The following TMEM178B variants were observed in gnomAD, a reference collection of about 807,000 sequenced individuals.
TMEM178B encodes transmembrane protein 178B.
TMEM178B carries 5 observed loss-of-function variants against 31.0 expected under a neutral mutation model. The ratio of observed to expected loss-of-function variants is 0.16; its 90% CI spans 0.08 to 0.34. The LOEUF (loss-of-function observed/expected upper bound fraction) is 0.34. Ranked by LOEUF, TMEM178B falls within the 10% of genes least tolerant of loss-of-function variation. TMEM178B has a pLI of 1.00. For missense variants in TMEM178B, 275 were observed against 400.3 expected (o/e 0.69, Z 2.67); for synonymous variants, 164 against 164.0 (o/e 1.00, Z 0.00).
chr7:141,269,892 C>T lies in TMEM178B; in HGVS notation c.496+57188C>T, dbSNP rs575939858. On this transcript the variant is annotated intron_variant, in intron 2 of 3. Transcript: ENST00000565468. ...CCAGCCTGGCCAACATGGTGAAACC[C>T]CATCTCTACTAAAAATACAAAAATT... 1.1e-4 allele frequency among the ~76,000 whole-genome samples: 17 copies of T among 152,192 alleles called. No individual in the cohort carries two copies. In the Middle Eastern group the frequency reaches 0.01, roughly 91 times the overall value.
In TMEM178B at chr7:141,074,251, C is replaced by A; in HGVS notation, c.-60C>A. The A allele has an allele frequency of 6.9e-7, 1 of 1,449,936 alleles. No homozygotes were observed. Among genetic ancestry groups the A allele is most frequent in the Non-Finnish European group, 9.1e-7 (1 of 1,103,330 alleles). 89.8% of individuals were successfully genotyped at this position (1,449,936 alleles called of 1,614,324 possible). On this transcript the variant is annotated 5_prime_UTR_variant, in exon 1 of 4. Coordinates refer to ENST00000565468, the MANE Select transcript of TMEM178B (RefSeq NM_001195278.2). The surrounding 1 kb of genome is among the most constrained non-coding windows in gnomAD (Gnocchi z 5.1). ...GCCGCCCGCCGCTTTGTTCCGGGTG[C>A]GGCGAGGGAAGGCGAGGCTGCGGCG...
At chr7:141,335,403 G>C (rs1179482712) in intron 2 of TMEM178B, among the ~76,000 whole-genome samples, 1 of 152,168 alleles carries the variant, frequency 6.6e-6, no homozygotes, top group Non-Finnish European at 1.5e-5. Flanking sequence ...GGGCGCTCTG[G>C]AAATGACGCT....
chr7:141,343,491 C>T (rs1027122688), intron 2 of TMEM178B, among the ~76,000 whole-genome samples: 2 of 147,084 alleles, frequency 1.4e-5, no homozygotes, highest in African/African-American at 5.0e-5. Context: ...AGTTCAGAAT[C>T]AGGCTCTTAT....
intron 1 of TMEM178B, among the ~76,000 whole-genome samples, chr7:141,151,472 A>G (rs780488032): frequency 4.6e-5 from 7 of 152,056 alleles, no homozygotes; most frequent in African/African-American, 7.2e-5. Context: ...TCTTTCCACC[A>G]GGTTGCCTAT....
intron 2 of TMEM178B, among the ~76,000 whole-genome samples, chr7:141,348,527 G>A (rs913552262): frequency 2.6e-5 from 4 of 152,180 alleles, no homozygotes; most frequent in South Asian, 2.1e-4. Flanking sequence ...TAATTTAGGG[G>A]GAGAGCAGTC....
chr7:141,377,577 A>G (rs1284113255), intron 2 of TMEM178B, among the ~76,000 whole-genome samples: 1 of 152,120 alleles, frequency 6.6e-6, no homozygotes, highest in Non-Finnish European at 1.5e-5. Context: ...AGGCTAAGAC[A>G]GGAGAATCAC....
chr7:141,212,792 A>T, intron 2 of TMEM178B, 88 bp downstream of exon 2: 1 of 1,054,956 alleles, frequency 9.5e-7, no homozygotes, highest in African/African-American at 1.6e-5. Flanking sequence ...TCCTTCTGGG[A>T]TCTGTGGATG....
Position 141,246,420 on chromosome 7 carries a change from T to C in TMEM178B, c.496+33716T>C, listed in dbSNP as rs140307978. On this transcript the variant is annotated intron_variant, in intron 2 of 3. Transcript: ENST00000565468. ...TGTTTCTGAGACTACGAAAGGGTAT[T>C]TGGAGTAACGTCCATCCTCTAGGGG... Among the ~76,000 whole-genome samples the C allele has an allele frequency of 7.5e-4, 114 of 152,316 alleles. 1 individual carries two copies. The highest frequency in any genetic ancestry group is 2.7e-3 in the African/African-American group (111 of 41,578).
chr7:141,363,768 C>G (rs1799956885), intron 2 of TMEM178B, among the ~76,000 whole-genome samples: 1 of 152,110 alleles, frequency 6.6e-6, no homozygotes, highest in African/African-American at 2.4e-5. Context: ...ATGTGCTCAA[C>G]CTTCCTGAGG....
intron 1 of TMEM178B, among the ~76,000 whole-genome samples, chr7:141,097,305 G>T (rs1293831407): frequency 7.1e-6 from 1 of 140,102 alleles, no homozygotes; most frequent in Non-Finnish European, 1.5e-5. Flanking sequence ...GGAGGAGTTT[G>T]CAGTGAGCCG....
At chr7:141,346,658 T>C (rs1016783612) in intron 2 of TMEM178B, among the ~76,000 whole-genome samples, 6 of 147,650 alleles carry the variant, frequency 4.1e-5, no homozygotes, top group African/African-American at 1.5e-4. Context: ...AATTCTTTGC[T>C]TTTTTTTTTG....
At chr7:141,240,943 C>T (rs193037657) in intron 2 of TMEM178B, among the ~76,000 whole-genome samples, 62 of 151,866 alleles carry the variant, frequency 4.1e-4, no homozygotes, top group African/African-American at 1.4e-3. Flanking sequence ...GTGGGAAGCC[C>T]CCATGAGTGG....
At chr7:141,365,631 G>C (rs1267617797) in intron 2 of TMEM178B, among the ~76,000 whole-genome samples, 1 of 152,200 alleles carries the variant, frequency 6.6e-6, no homozygotes, top group African/African-American at 2.4e-5. Context: ...CTGGCTTACA[G>C]CATATCTCCA....
intron 2 of TMEM178B, among the ~76,000 whole-genome samples, chr7:141,222,684 C>T (rs997366990): frequency 5.3e-5 from 8 of 152,050 alleles, no homozygotes; most frequent in Non-Finnish European, 1.2e-4. Flanking sequence ...CTCTGTGCAA[C>T]CTGTGCAGGT....
At chr7:141,182,816 G>A (rs1007513638) in intron 1 of TMEM178B, among the ~76,000 whole-genome samples, 3 of 152,172 alleles carry the variant, frequency 2.0e-5, no homozygotes, top group Non-Finnish European at 2.9e-5. Flanking sequence ...TTTTCCCTGA[G>A]CCACGTAAGA....
intron 2 of TMEM178B, among the ~76,000 whole-genome samples, chr7:141,340,323 A>G (rs1286492274): frequency 6.6e-6 from 1 of 152,226 alleles, no homozygotes; most frequent in East Asian, 1.9e-4. Context: ...TTTGTGTTGT[A>G]AGCCACTAAA....
chr7:141,074,705 C>A lies in TMEM178B; in HGVS notation c.382+13C>A, dbSNP rs757305506. 2 of 1,472,242 alleles carry A rather than the reference C, an allele frequency of 1.4e-6. No individual in the cohort carries two copies. The highest frequency in any genetic ancestry group is 2.7e-5 in the South Asian group (2 of 74,518). 91.2% of individuals were successfully genotyped at this position (1,472,242 alleles called of 1,614,324 possible). A position where few individuals can be genotyped will look rare whatever the true frequency, so the allele number is the denominator to read the frequency against. On this transcript the variant is annotated intron_variant, in intron 1 of 3. Coordinates refer to ENST00000565468, the MANE Select transcript of TMEM178B (RefSeq NM_001195278.2). This position sits in a 1 kb window ranked among gnomAD's most constrained non-coding sequence, Gnocchi z 5.1. ...CTCATTCGGAAAGGTAAGCGCCGGG[C>A]GCAAGGCGTGGCGCTGCGGAGAGCC...
At chr7:141,349,019 C>A (rs1473443081) in intron 2 of TMEM178B, among the ~76,000 whole-genome samples, 1 of 152,122 alleles carries the variant, frequency 6.6e-6, no homozygotes, top group Non-Finnish European at 1.5e-5. Flanking sequence ...GGAAAAAGAT[C>A]AAGAAATAAC....
intron 1 of TMEM178B, among the ~76,000 whole-genome samples, chr7:141,075,661 C>T (rs1263521393): frequency 6.6e-6 from 1 of 152,222 alleles, no homozygotes; most frequent in African/African-American, 2.4e-5. Flanking sequence ...ATGGTAGCTA[C>T]ATCCTAGGAA....
Sources: allele counts gnomAD v4.1 joint callset (sites outside exome capture counted in the v4.1 genomes callset), GRCh38; gene constraint gnomAD v4.1.1; non-coding constraint Gnocchi (gnomAD v3.1); transcripts MANE v1.5; gene names NCBI Gene and HGNC (gene_info 2026-07-23, HGNC 2026-07-21).